RPS6KA1: variants seen among roughly 807,000 people sequenced by gnomAD.
The protein encoded by RPS6KA1 is ribosomal protein S6 kinase alpha-1.
In RPS6KA1, 48 loss-of-function variants were observed where a neutral mutation model predicts 91.3. That is an observed-to-expected ratio of 0.53 (90% CI 0.42 to 0.67). The LOEUF is 0.67. Among genes scored for constraint, RPS6KA1 ranks in the 30% least tolerant of loss-of-function variants. RPS6KA1 has a pLI of 0.00. For missense variants in RPS6KA1, 719 were observed against 960.5 expected, an observed-to-expected ratio of 0.75 and a Z score of 3.32; for synonymous variants, 359 against 384.7, an observed-to-expected ratio of 0.93 and a Z score of 0.78.
intron 1 of RPS6KA1, among the ~76,000 whole-genome samples, chr1:26,535,505 G>C (rs935497664): frequency 6.6e-6 from 1 of 152,122 alleles, no homozygotes; most frequent in Non-Finnish European, 1.5e-5. Context: ...TCTAGGAGGG[G>C]TGGGGCAATT....
Position 26,574,041 on chromosome 1 carries a change from C to G in RPS6KA1, c.2086-38C>G, listed in dbSNP as rs746409670. 1.2e-6 allele frequency: 2 copies of G among 1,601,746 alleles called. No homozygotes were observed. Among genetic ancestry groups the G allele is most frequent in the Non-Finnish European group, 1.7e-6 (2 of 1,170,460 alleles). On this transcript the variant is annotated intron_variant, in intron 21 of 21. Coordinates refer to ENST00000374168, the MANE Select transcript of RPS6KA1 (RefSeq NM_002953.4). This position sits in a 1 kb window ranked among gnomAD's most constrained non-coding sequence, Gnocchi z 4.3. ...CATGGATCCCCTCCCCGCTACATCT[C>G]CCACCATTGTGACCTGACCTCCCCA...
intron 17 of RPS6KA1, among the ~76,000 whole-genome samples, chr1:26,566,604 G>A (rs1053769736): frequency 3.9e-5 from 6 of 151,936 alleles, no homozygotes; most frequent in African/African-American, 1.2e-4. Flanking sequence ...GTTTTAATTT[G>A]CATTTTTCTG....
chr1:26,548,324 G>A (rs1035337270), intron 4 of RPS6KA1, among the ~76,000 whole-genome samples: 4 of 151,968 alleles, frequency 2.6e-5, no homozygotes, highest in East Asian at 1.9e-4. Flanking sequence ...TATCCGACGC[G>A]CTGGGGAGCT....
At chr1:26,535,530 A>G (rs990442970) in intron 1 of RPS6KA1, among the ~76,000 whole-genome samples, 1 of 152,072 alleles carries the variant, frequency 6.6e-6, no homozygotes, top group African/African-American at 2.4e-5. Flanking sequence ...TCAGCTTCCA[A>G]ACGCCCAGAT....
At chr1:26,552,386 CAAAAAAAAAAAAA>C (rs1197852280) in intron 6 of RPS6KA1, among the ~76,000 whole-genome samples, 4 of 54,910 alleles carry the variant, frequency 7.3e-5, no homozygotes, top group African/African-American at 3.2e-4. Flanking sequence ...GACTCTGTCT[CAAAAAAAAAAAAA>C]AAAAAAAAAA....
In RPS6KA1 at chr1:26,556,666, A is replaced by C; in HGVS notation, c.929A>C (p.Asp310Ala). The C allele has an allele frequency of 6.2e-7, 1 of 1,614,148 alleles. No individual in the cohort carries two copies. The highest frequency in any genetic ancestry group is 8.5e-7 in the Non-Finnish European group (1 of 1,180,006). ...NPANRLGSGP[D>A]GAEEIKRHVF... ...TGGGCTCTTTCAGGCTCCGGCCCTG[A>C]TGGGGCAGAGGAAATCAAGCGGCAT... The change falls in exon 12 of 22, where the codon GAT (aspartate) becomes GCT (alanine). Residue 310 changes from aspartate to alanine, a missense_variant. By Grantham distance (126) the Asp-to-Ala change is moderately radical. Coordinates refer to ENST00000374168, the MANE Select transcript of RPS6KA1 (RefSeq NM_002953.4).
chr1:26,545,268 C>T (rs963011836), intron 2 of RPS6KA1, among the ~76,000 whole-genome samples: 8 of 151,234 alleles, frequency 5.3e-5, no homozygotes, highest in Admixed American at 1.3e-4. Context: ...CTTCCAGGTT[C>T]ATGCCATTCT....
Position 26,572,302 on chromosome 1 carries a change from G to A in RPS6KA1, c.1947+9G>A. 6.3e-7 allele frequency: 1 copy of A among 1,594,798 alleles called. No individual in the cohort carries two copies. Among genetic ancestry groups the A allele is most frequent in the Non-Finnish European group, 8.6e-7 (1 of 1,162,502 alleles). On this transcript the variant is annotated intron_variant, in intron 20 of 21. Transcript: ENST00000374168. ...TTTCAGAGACAGCCAAGGTGAGTCTGTACGGCCTGCGTGGGCTTATTTGGA... is the reference window on the plus strand; with the variant it reads ...TTTCAGAGACAGCCAAGGTGAGTCTATACGGCCTGCGTGGGCTTATTTGGA...
chr1:26,544,035 G>A (rs1374195386), intron 2 of RPS6KA1: 1 of 455,350 alleles, frequency 2.2e-6, no homozygotes, highest in South Asian at 1.5e-5. Context: ...AGTGGTGGGA[G>A]TTTGCAGATT....
chr1:26,554,033 A>C lies in RPS6KA1; in HGVS notation c.576-181A>C, dbSNP rs1423637985. On this transcript the variant is annotated intron_variant, in intron 7 of 21. Coordinates refer to ENST00000374168, the MANE Select transcript of RPS6KA1 (RefSeq NM_002953.4). The surrounding 1 kb of genome is among the most constrained non-coding windows in gnomAD (Gnocchi z 4.6). Reference sequence around the variant, plus strand: ...TCACACAGTTGCTTCAAGGATTAGCAAAAAAGATAGGCAACACCCCTGCGT... The same window carrying C: ...TCACACAGTTGCTTCAAGGATTAGCCAAAAAGATAGGCAACACCCCTGCGT... The C allele has an allele frequency of 5.1e-6, 3 of 585,406 alleles. No homozygotes were observed. Among genetic ancestry groups the C allele is most frequent in the Non-Finnish European group, 9.0e-6 (3 of 333,686 alleles). The allele number at this position is 585,406 out of a possible 1,614,324, so 36.3% of individuals were successfully genotyped here.
chr1:26,546,396 G>A (rs1055035027), intron 2 of RPS6KA1, among the ~76,000 whole-genome samples: 3 of 152,152 alleles, frequency 2.0e-5, no homozygotes, highest in African/African-American at 2.4e-5. Context: ...GTGACTCTTG[G>A]GTCTTTGTGC....
rs985342579 is a variant in RPS6KA1, at chr1:26,554,590, C to G, written c.614-6C>G. 6.2e-7 allele frequency: 1 copy of G among 1,609,688 alleles called. No homozygotes were observed. The highest frequency in any genetic ancestry group is 8.5e-7 in the Non-Finnish European group (1 of 1,176,880). On this transcript the variant is annotated splice_polypyrimidine_tract_variant and splice_region_variant and intron_variant, in intron 8 of 21. Coordinates refer to ENST00000374168, the MANE Select transcript of RPS6KA1 (RefSeq NM_002953.4). This position sits in a 1 kb window ranked among gnomAD's most constrained non-coding sequence, Gnocchi z 4.6. ...AAGGTGTGTCCTCCTGCCCTCCTTG[C>G]TGTAGACTTTGGCCTGAGCAAAGAG...
chr1:26,550,738 T>C (rs917364613), intron 4 of RPS6KA1, among the ~76,000 whole-genome samples: 3 of 152,300 alleles, frequency 2.0e-5, no homozygotes, highest in African/African-American at 4.8e-5. Context: ...GCACAAGCAC[T>C]GTAGGAATCC....
chr1:26,571,871 A>T lies in RPS6KA1; in HGVS notation c.1775A>T (p.Asp592Val), dbSNP rs1557517589. The change falls in exon 19 of 22, where the codon GAT becomes GTT. Residue 592 changes from aspartate (D) to valine (V), a missense_variant. By Grantham distance (152) the Asp-to-Val change is radical. Coordinates refer to ENST00000374168, the MANE Select transcript of RPS6KA1 (RefSeq NM_002953.4). The surrounding 1 kb of genome is among the most constrained non-coding windows in gnomAD (Gnocchi z 5.1). ...APEVLKRQGY[D>V]EGCDIWSLGI... ...CAGGTGCTGAAGCGCCAGGGCTACG[A>T]TGAAGGCTGCGACATCTGGAGCCTG... is the stretch of plus-strand genomic sequence containing the variant. 1 of 1,610,908 alleles carries T rather than the reference A, an allele frequency of 6.2e-7. No homozygotes were observed. The highest frequency in any genetic ancestry group is 8.5e-7 in the Non-Finnish European group (1 of 1,179,974).
chr1:26,571,566 C>T lies in RPS6KA1; in HGVS notation c.1708C>T (p.Leu570Phe), dbSNP rs771183368. 1.7e-5 allele frequency: 27 copies of T among 1,614,066 alleles called. No individual in the cohort carries two copies. The South Asian group carries it at 2.7e-4, about 16-fold the overall frequency. ...CAAACAGCTGCGGGCTGAGAATGGG[C>T]TCCTCATGACACCTTGCTACACAGC... ...FAKQLRAENG[L>F]LMTPCYTANF... is the part of the protein sequence containing the mutation. The change falls in exon 18 of 22, where the codon CTC (leucine) becomes TTC (phenylalanine). Residue 570 changes from leucine (L) to phenylalanine (F), a missense_variant. Leu to Phe is a conservative substitution (Grantham distance 22, BLOSUM62 0). Around this residue, in one of 5 missense-constraint regions of RPS6KA1, gnomAD observed 249 missense variants for 323.1 expected, o/e 0.77. Transcript: ENST00000374168. The surrounding 1 kb of genome is among the most constrained non-coding windows in gnomAD (Gnocchi z 5.1).
intron 1 of RPS6KA1, chr1:26,530,697 C>CTTCT: frequency 8.0e-7 from 1 of 1,246,204 alleles, no homozygotes; most frequent in Non-Finnish European, 1.0e-6. Context: ...GGGAGTTTGG[C>CTTCT]TTCTGCCAGC....
rs2076277824 is a variant in RPS6KA1, at chr1:26,574,329, C to A, written c.*128C>A. ...CCGAGGGGCCGGGGAAGCTGCCAGC[C>A]CAGAACACCCCTAATGAGGGTGTGA... is the stretch of plus-strand genomic sequence containing the variant. On this transcript the variant is annotated 3_prime_UTR_variant, in exon 22 of 22. Transcript: ENST00000374168. This position sits in a 1 kb window ranked among gnomAD's most constrained non-coding sequence, Gnocchi z 4.3. 4.5e-6 allele frequency: 5 copies of A among 1,112,678 alleles called. No homozygotes were observed. Among genetic ancestry groups the A allele is most frequent in the Non-Finnish European group, 6.9e-6 (5 of 725,450 alleles). The allele number at this position is 1,112,678 out of a possible 1,614,324, so 68.9% of individuals were successfully genotyped here.
At position 26,547,523 on chromosome 1, in the gene RPS6KA1, G is replaced by A. The variant is rs191678269; in HGVS notation, c.307+253G>A. ...AAATGCAATGTGTTTGTCAGGGGGC[G>A]GGGCCCTCAACTACCAAGCTGGTCA... is the stretch of plus-strand genomic sequence containing the variant. On this transcript the variant is annotated intron_variant, in intron 4 of 21. Coordinates refer to ENST00000374168, the MANE Select transcript of RPS6KA1 (RefSeq NM_002953.4). The surrounding 1 kb of genome is among the most constrained non-coding windows in gnomAD (Gnocchi z 4.1). 150 of 445,758 alleles carry A rather than the reference G, an allele frequency of 3.4e-4. No homozygotes were observed. In the East Asian group the frequency reaches 3.4e-3, roughly 10 times the overall value. 27.6% of individuals were successfully genotyped at this position (445,758 alleles called of 1,614,324 possible).
chr1:26,531,893 C>T (rs909285413), intron 1 of RPS6KA1, among the ~76,000 whole-genome samples: 13 of 152,136 alleles, frequency 8.5e-5, no homozygotes, highest in African/African-American at 2.9e-4. Flanking sequence ...GTAACAGGAG[C>T]CACAGGGCAG....
Sources: allele counts gnomAD v4.1 joint callset (sites outside exome capture counted in the v4.1 genomes callset), GRCh38; gene constraint gnomAD v4.1.1; regional missense constraint gnomAD v4.1.1; non-coding constraint Gnocchi (gnomAD v3.1); transcripts MANE v1.5; gene names NCBI Gene and HGNC (gene_info 2026-07-23, HGNC 2026-07-21).